The following VWA5B1 variants were observed in gnomAD, a reference collection of about 807,000 sequenced individuals.
The protein encoded by VWA5B1 is von Willebrand factor A domain-containing protein 5B1.
In VWA5B1, 115 loss-of-function variants were observed where a neutral mutation model predicts 118.2. The observed-to-expected ratio is 0.97, with a 90% CI of 0.84 to 1.14. The LOEUF (loss-of-function observed/expected upper bound fraction) is 1.14, where lower values mean the gene tolerates loss of function less well. Ranked by LOEUF, VWA5B1 falls within the 50% of genes most tolerant of loss-of-function variation. The probability of loss-of-function intolerance (pLI) is 0.00; values close to 1 mark genes in which losing one functional copy is unlikely to be tolerated. For synonymous variants in VWA5B1, 682 were observed against 658.4 expected (o/e 1.04, Z -0.55); for missense variants, 1,596 against 1,603.8 (o/e 1.00, Z 0.08).
chr1:20,294,832 G>C (rs1023250792), intron 1 of VWA5B1, among the ~76,000 whole-genome samples: 1 of 151,966 alleles, frequency 6.6e-6, no homozygotes, highest in African/African-American at 2.4e-5. Context: ...CAGGTGATCT[G>C]CCCGCCTCAG....
At chr1:20,342,381 C>G in intron 14 of VWA5B1, 51 bp from the exon 15 acceptor site, 3 of 1,535,602 alleles carry the variant, frequency 2.0e-6, no homozygotes, top group Non-Finnish European at 2.6e-6. Flanking sequence ...TCTCCTCCTC[C>G]TCCTCCTCCT....
chr1:20,312,827 C>G lies in VWA5B1; in HGVS notation c.140-9C>G. ...GGGCACCCCGTGATGCTGGGCCCTG[C>G]TCCGACAGGCCTCTTCGTGTACCCC... On this transcript the variant is annotated splice_polypyrimidine_tract_variant and intron_variant, in intron 2 of 21. Transcript: ENST00000289815. 1 of 1,546,348 alleles carries G rather than the reference C, an allele frequency of 6.5e-7. No homozygotes were observed. Among genetic ancestry groups the G allele is most frequent in the South Asian group, 1.2e-5 (1 of 83,328 alleles).
chr1:20,318,307 G>A (rs544184000), intron 5 of VWA5B1: 30 of 457,772 alleles, frequency 6.6e-5, no homozygotes, highest in African/African-American at 6.0e-4. Flanking sequence ...CTGCTTGGCA[G>A]GATGCTGGGA....
At chr1:20,348,421 T>C in intron 18 of VWA5B1, 63 bp downstream of exon 18, 1 of 1,506,332 alleles carries the variant, frequency 6.6e-7, no homozygotes, top group Non-Finnish European at 9.0e-7. Flanking sequence ...GCCCCTGAGG[T>C]TACCGCGTCC....
At chr1:20,304,803 T>A (rs986256295) in intron 1 of VWA5B1, among the ~76,000 whole-genome samples, 1 of 152,202 alleles carries the variant, frequency 6.6e-6, no homozygotes, top group Non-Finnish European at 1.5e-5. Flanking sequence ...CCTTCTGCTG[T>A]GGTTTACTCT....
chr1:20,298,131 C>A (rs1167248444), intron 1 of VWA5B1, among the ~76,000 whole-genome samples: 1 of 151,764 alleles, frequency 6.6e-6, no homozygotes, highest in Non-Finnish European at 1.5e-5. Flanking sequence ...CTACCTCAGC[C>A]TCCCAAGAAG....
At chr1:20,302,933 C>T (rs1557828637) in intron 1 of VWA5B1, 1 of 152,164 alleles carries the variant, frequency 6.6e-6, no homozygotes, top group Non-Finnish European at 1.5e-5. Context: ...GAGGGTTGGC[C>T]TCACCGTCAG....
chr1:20,354,136 A>G lies in VWA5B1; in HGVS notation c.3521A>G (p.Gln1174Arg). 6.4e-7 allele frequency: 1 copy of G among 1,551,388 alleles called. No homozygotes were observed. The highest frequency in any genetic ancestry group is 1.2e-5 in the South Asian group (1 of 84,064). Residue 1174 changes from glutamine to arginine, a missense_variant, in exon 22 of 22, where the codon CAG becomes CGG. Transcript: ENST00000289815. ...AAGGCCAACTCATGGCTGGAGCAGC[A>G]GGAAGTACCCGAGGGCCGCACGCAG... Reference protein sequence around the residue: ...AAKANSWLEQQEVPEGRTQGT... With the variant: ...AAKANSWLEQREVPEGRTQGT...
At chr1:20,344,836 G>A (rs1254435675) in intron 16 of VWA5B1, among the ~76,000 whole-genome samples, 2 of 152,152 alleles carry the variant, frequency 1.3e-5, no homozygotes, top group Non-Finnish European at 2.9e-5. Flanking sequence ...AGTTCACGAA[G>A]CACTTTTCTA....
At chr1:20,309,873 T>C (rs2088790243) in intron 1 of VWA5B1, among the ~76,000 whole-genome samples, 1 of 146,462 alleles carries the variant, frequency 6.8e-6, no homozygotes, top group Non-Finnish European at 1.5e-5. Context: ...AGGGCTTTTC[T>C]AGGGAAGACA....
intron 17 of VWA5B1, among the ~76,000 whole-genome samples, chr1:20,347,073 A>G (rs1391405741): frequency 6.6e-6 from 1 of 152,172 alleles, no homozygotes; most frequent in Non-Finnish European, 1.5e-5. Flanking sequence ...TATCTTAACC[A>G]AAGTCCCAAA....
chr1:20,342,638 C>G (rs760371541), intron 15 of VWA5B1, 29 bp downstream of exon 15: 23 of 1,448,016 alleles, frequency 1.6e-5, no homozygotes, highest in Middle Eastern at 1.8e-4. Context: ...CAGGACCCAA[C>G]TGGGGACAGG....
intron 14 of VWA5B1, chr1:20,338,970 A>T (rs1409074220): frequency 1.3e-5 from 2 of 152,212 alleles, no homozygotes; most frequent in African/African-American, 4.8e-5. Context: ...CTGGCAGCAG[A>T]GAGAATTTGA....
intron 8 of VWA5B1, among the ~76,000 whole-genome samples, chr1:20,324,314 T>C (rs1031716172): frequency 2.0e-5 from 3 of 151,972 alleles, no homozygotes; most frequent in Admixed American, 2.0e-4. Flanking sequence ...CTCAGGAGGG[T>C]GGAAGCAATG....
Position 20,358,968 on chromosome 1 carries a change from G to A in VWA5B1, c.*4705G>A, listed in dbSNP as rs1283567967. Among the ~76,000 whole-genome samples, 1 of 152,200 alleles carries A rather than the reference G, an allele frequency of 6.6e-6. No homozygotes were observed. Among genetic ancestry groups the A allele is most frequent in the Non-Finnish European group, 1.5e-5 (1 of 68,038 alleles). ...CCAACCGTGGACCTCTCTGCCCTGT[G>A]TGTCCAGCCCTGCTCCCAGCCCGTT... On this transcript the variant is annotated 3_prime_UTR_variant, in exon 22 of 22. Transcript: ENST00000289815.
At chr1:20,329,037 T>G (rs1327622990) in intron 9 of VWA5B1, among the ~76,000 whole-genome samples, 1 of 152,206 alleles carries the variant, frequency 6.6e-6, no homozygotes, top group Admixed American at 6.5e-5. Context: ...TATTAATCTG[T>G]AATGTAACTG....
chr1:20,351,685 T>G (rs1301540323), intron 20 of VWA5B1, among the ~76,000 whole-genome samples: 2 of 151,694 alleles, frequency 1.3e-5, no homozygotes, highest in Non-Finnish European at 2.9e-5. Flanking sequence ...TAGCCAGACA[T>G]GGGTGTGTGC....
At chr1:20,337,567 C>A in intron 13 of VWA5B1, 79 bp from the exon 14 acceptor site, 1 of 1,439,210 alleles carries the variant, frequency 6.9e-7, no homozygotes, top group Non-Finnish European at 9.3e-7. Context: ...GAGACACTTC[C>A]AAACAGGAAA....
chr1:20,339,986 G>A (rs1332495250), intron 14 of VWA5B1, among the ~76,000 whole-genome samples: 1 of 152,138 alleles, frequency 6.6e-6, no homozygotes, highest in African/African-American at 2.4e-5. Flanking sequence ...AAGATGCAGC[G>A]CCTGGCCCAG....
Sources: gnomAD v4.1 joint callset for allele counts (sites outside exome capture counted in the v4.1 genomes callset) on GRCh38, gnomAD v4.1.1 for gene constraint, MANE v1.5 for transcripts, NCBI Gene and HGNC (gene_info 2026-07-23, HGNC 2026-07-21) for gene names.